STRIT1: variants seen among roughly 807,000 people sequenced by gnomAD.
The protein encoded by STRIT1 is sarcoplasmic/endoplasmic reticulum calcium ATPase regulator DWORF.
At chr3:155,291,214 C>T (rs1715626408) in intron 1 of STRIT1, 176 bp from the exon 2 acceptor site, 2 of 375,490 alleles carry the variant, frequency 5.3e-6, no homozygotes, top group Non-Finnish European at 9.4e-6. Context: ...GTCATAAACC[C>T]TGGGTATTTT....
chr3:155,291,211 A>G, intron 1 of STRIT1, 173 bp from the exon 2 acceptor site: 1 of 377,046 alleles, frequency 2.7e-6, no homozygotes, highest in Non-Finnish European at 4.7e-6. Context: ...ACTGTCATAA[A>G]CCCTGGGTAT....
Position 155,291,053 on chromosome 3 carries a change from G to T in STRIT1, c.14-15C>A. 2.5e-6 allele frequency: 1 copy of T among 398,412 alleles called. No individual in the cohort carries two copies. The highest frequency in any genetic ancestry group is 2.1e-5 in the African/African-American group (1 of 48,666). The allele number at this position is 398,412 out of a possible 1,614,324, so 24.7% of individuals were successfully genotyped here. ...TGTAGACCCCGCTTTAAAATAAACC[G>T]TAGAAAACAGATTATATTGGTCATT... is the stretch of plus-strand genomic sequence containing the variant. On this transcript the variant is annotated splice_polypyrimidine_tract_variant and intron_variant, in intron 1 of 2. Transcript: ENST00000489090.
chr3:155,292,442 T>C (rs950236127), intron 1 of STRIT1, among the ~76,000 whole-genome samples: 1 of 152,188 alleles, frequency 6.6e-6, no homozygotes, highest in African/African-American at 2.4e-5. Flanking sequence ...TGTCTAGGTA[T>C]GTGGCTTTAT....
intron 1 of STRIT1, among the ~76,000 whole-genome samples, chr3:155,291,694 G>C (rs1230608971): frequency 6.6e-6 from 1 of 152,150 alleles, no homozygotes; most frequent in Non-Finnish European, 1.5e-5. Flanking sequence ...TCAATGGGCA[G>C]TAATAATCCA....
rs1715684177 is a variant in STRIT1 at position 155,293,404 on chromosome 3, G to A, written c.13+216C>T. 1.3e-5 allele frequency among the ~76,000 whole-genome samples: 2 copies of A among 151,922 alleles called. 1 individual carries two copies. The highest frequency in any genetic ancestry group is 4.8e-5 in the African/African-American group (2 of 41,358). On this transcript the variant is annotated intron_variant, in intron 1 of 2. Coordinates refer to ENST00000489090, the MANE Select transcript of STRIT1 (RefSeq NM_001352129.2). The stretch of plus-strand genomic sequence containing the variant: ...CAAAATTAAGCTCTTTTCCTTTGTT[G>A]ATCATTTTAAAATTATTCATAACCT...
At position 155,290,343 on chromosome 3, in the gene STRIT1, C is replaced by T. The variant is rs1015340752; in HGVS notation, c.*508G>A. ...AAGAGATTAAGTAAGTGTACTTTTA[C>T]ATTATATGTTCTCTGAATTGTCTGT... On this transcript the variant is annotated 3_prime_UTR_variant, in exon 3 of 3. Transcript: ENST00000489090. The T allele has an allele frequency of 1.4e-5, 2 of 142,390 alleles. No individual in the cohort carries two copies. The highest frequency in any genetic ancestry group is 5.1e-5 in the African/African-American group (2 of 39,050). 8.8% of individuals were successfully genotyped at this position (142,390 alleles called of 1,614,324 possible).
chr3:155,291,052 C>G lies in STRIT1; in HGVS notation c.14-14G>C. 2.5e-6 allele frequency: 1 copy of G among 398,352 alleles called. No individual in the cohort carries two copies. The highest frequency in any genetic ancestry group is 4.4e-6 in the Non-Finnish European group (1 of 225,744). 24.7% of individuals were successfully genotyped at this position (398,352 alleles called of 1,614,324 possible). ...ATGTAGACCCCGCTTTAAAATAAAC[C>G]GTAGAAAACAGATTATATTGGTCAT... On this transcript the variant is annotated splice_polypyrimidine_tract_variant and intron_variant, in intron 1 of 2. Coordinates refer to ENST00000489090, the MANE Select transcript of STRIT1 (RefSeq NM_001352129.2).
At chr3:155,292,137 G>A (rs1034522080) in intron 1 of STRIT1, among the ~76,000 whole-genome samples, 7 of 152,112 alleles carry the variant, frequency 4.6e-5, no homozygotes, top group African/African-American at 1.7e-4. Context: ...TTTTATAAAA[G>A]CAAACTTTCT....
chr3:155,292,734 A>G (rs1343314123), intron 1 of STRIT1, among the ~76,000 whole-genome samples: 2 of 152,172 alleles, frequency 1.3e-5, no homozygotes, highest in Non-Finnish European at 2.9e-5. Flanking sequence ...TACTTTGCAT[A>G]TGTCACTTAC....
At chr3:155,293,303 TA>T (rs1367127710) in intron 1 of STRIT1, among the ~76,000 whole-genome samples, 2 of 152,058 alleles carry the variant, frequency 1.3e-5, no homozygotes, top group East Asian at 3.9e-4. Context: ...ACACAGAACT[TA>T]ACTGTCTTCA....
At chr3:155,291,217 G>C in intron 1 of STRIT1, 179 bp from the exon 2 acceptor site, 1 of 372,652 alleles carries the variant, frequency 2.7e-6, no homozygotes, top group Non-Finnish European at 4.7e-6. Context: ...ATAAACCCTG[G>C]GTATTTTGAA....
In STRIT1 at chr3:155,290,771, A is replaced by G. The variant is rs978727648; in HGVS notation, c.*80T>C. The G allele has an allele frequency of 2.6e-6, 1 of 381,556 alleles. No individual in the cohort carries two copies. The highest frequency in any genetic ancestry group is 2.1e-5 in the African/African-American group (1 of 48,268). 23.6% of individuals were successfully genotyped at this position (381,556 alleles called of 1,614,324 possible). ...GATGTCAAACATTGCATTGTTTAAC[A>G]TGAGACATTTAATAATCAGTCATGT... On this transcript the variant is annotated 3_prime_UTR_variant, in exon 3 of 3. Coordinates refer to ENST00000489090, the MANE Select transcript of STRIT1 (RefSeq NM_001352129.2).
In STRIT1 at chr3:155,290,734, A is replaced by G. The variant is rs1033549636; in HGVS notation, c.*117T>C. 6 of 354,246 alleles carry G rather than the reference A, an allele frequency of 1.7e-5. No homozygotes were observed. Among genetic ancestry groups the G allele is most frequent in the Admixed American group, 9.3e-5 (2 of 21,448 alleles). 21.9% of individuals were successfully genotyped at this position (354,246 alleles called of 1,614,324 possible). A position where few individuals can be genotyped will look rare whatever the true frequency, so the allele number is the denominator to read the frequency against. On this transcript the variant is annotated 3_prime_UTR_variant, in exon 3 of 3. Transcript: ENST00000489090. ...TACCAAAGTGCCAGTTTATGATCCA[A>G]GTTTGTAAAGTGATGTCAAACATTG...
chr3:155,292,565 A>T (rs765732861), intron 1 of STRIT1, among the ~76,000 whole-genome samples: 2 of 152,186 alleles, frequency 1.3e-5, no homozygotes, highest in Non-Finnish European at 1.5e-5. Flanking sequence ...CCCTAAAAGT[A>T]TCTCATTATT....
chr3:155,291,901 C>T (rs181418297), intron 1 of STRIT1, among the ~76,000 whole-genome samples: 14 of 152,184 alleles, frequency 9.2e-5, no homozygotes, highest in Admixed American at 3.9e-4. Context: ...TTAGAAAGAG[C>T]GCAGAAAAAC....
At chr3:155,291,198 G>A (rs1715625956) in intron 1 of STRIT1, 160 bp from the exon 2 acceptor site, 1 of 381,766 alleles carries the variant, frequency 2.6e-6, no homozygotes, top group South Asian at 1.5e-4. Context: ...GAGAATACGT[G>A]AGACTGTCAT....
intron 1 of STRIT1, among the ~76,000 whole-genome samples, chr3:155,292,930 CA>C (rs552609109): frequency 3.3e-4 from 50 of 152,202 alleles, no homozygotes; most frequent in African/African-American, 1.1e-3. Context: ...CGATCATGAA[CA>C]AGTTACTAAA....
rs1346001678 is a variant in STRIT1, at chr3:155,293,660, G to A, written c.-28C>T. 1 of 397,496 alleles carries A rather than the reference G, an allele frequency of 2.5e-6. No individual in the cohort carries two copies. The highest frequency in any genetic ancestry group is 2.1e-5 in the African/African-American group (1 of 48,178). 24.6% of individuals were successfully genotyped at this position (397,496 alleles called of 1,614,324 possible). On this transcript the variant is annotated 5_prime_UTR_variant, in exon 1 of 3. Coordinates refer to ENST00000489090, the MANE Select transcript of STRIT1 (RefSeq NM_001352129.2). ...TTCCTGTTGGTGGGTGGCTAGGTCAGGCCACGCTTACCTCTTTCTTTTGTT... is the reference window on the plus strand; with the variant it reads ...TTCCTGTTGGTGGGTGGCTAGGTCAAGCCACGCTTACCTCTTTCTTTTGTT...
chr3:155,291,602 A>T (rs1420785389), intron 1 of STRIT1, among the ~76,000 whole-genome samples: 2 of 152,186 alleles, frequency 1.3e-5, no homozygotes, highest in Non-Finnish European at 2.9e-5. Context: ...AGTATCATAC[A>T]TTATGTAACC....
Sources: gnomAD v4.1 joint callset for allele counts (sites outside exome capture counted in the v4.1 genomes callset) on GRCh38, gnomAD v4.1.1 for gene constraint, MANE v1.5 for transcripts, NCBI Gene and HGNC (gene_info 2026-07-23, HGNC 2026-07-21) for gene names.